The following ZNF385D variants were observed in gnomAD, a reference collection of about 807,000 sequenced individuals.
ZNF385D encodes zinc finger protein 385D, also known as zinc finger protein 659.
Under a neutral mutation model 35.8 loss-of-function variants are expected in ZNF385D, and 15 were observed. That is an observed-to-expected ratio of 0.42 (90% CI 0.28 to 0.64). The LOEUF (loss-of-function observed/expected upper bound fraction) is 0.64. Ranked by LOEUF, ZNF385D falls within the 30% of genes least tolerant of loss-of-function variation. The pLI, the probability that ZNF385D is intolerant of heterozygous loss-of-function variation, is 0.23. For missense variants in ZNF385D, 474 were observed against 494.6 expected, an observed-to-expected ratio of 0.96 and a Z score of 0.39; for synonymous variants, 212 against 186.8, an observed-to-expected ratio of 1.13 and a Z score of -1.10.
chr3:22,370,033 G>C (rs1696831608), intron 2 of ZNF385D, among the ~76,000 whole-genome samples: 1 of 152,154 alleles, frequency 6.6e-6, no homozygotes, highest in Non-Finnish European at 1.5e-5. Flanking sequence ...TTCTTGAATT[G>C]CAAACATTTT....
chr3:21,522,593 C>T (rs947845220), intron 3 of ZNF385D, among the ~76,000 whole-genome samples: 4 of 152,154 alleles, frequency 2.6e-5, no homozygotes, highest in African/African-American at 9.7e-5. Flanking sequence ...CTGCCTCAGC[C>T]TCCCAAAGTG....
At chr3:22,003,851 A>C (rs1696019508) in intron 3 of ZNF385D, among the ~76,000 whole-genome samples, 3 of 151,226 alleles carry the variant, frequency 2.0e-5, no homozygotes, top group African/African-American at 7.3e-5. Context: ...TGGGCAACAA[A>C]GCAAGACTCC....
intron 3 of ZNF385D, among the ~76,000 whole-genome samples, chr3:21,773,603 G>A (rs1289859075): frequency 6.6e-6 from 1 of 151,788 alleles, no homozygotes; most frequent in Non-Finnish European, 1.5e-5. Context: ...ATTAAAAAGT[G>A]GGCAAAGAAC....
At chr3:22,133,614 A>G (rs539888400) in intron 3 of ZNF385D, 67 of 152,164 alleles carry the variant, frequency 4.4e-4, no homozygotes, top group African/African-American at 1.5e-3. Flanking sequence ...ATTTCTACTT[A>G]GAGGACTGGG....
intron 3 of ZNF385D, among the ~76,000 whole-genome samples, chr3:22,036,548 T>C (rs753035964): frequency 5.3e-5 from 8 of 152,048 alleles, no homozygotes; most frequent in African/African-American, 1.2e-4. Context: ...TATGAGTATA[T>C]GGCAAATGAA....
chr3:22,066,540 GTGTGTGT>G (rs1257665234), intron 3 of ZNF385D, among the ~76,000 whole-genome samples: 1 of 20,622 alleles, frequency 4.8e-5, no homozygotes, highest in African/African-American at 2.9e-4. Flanking sequence ...CCCTGTGTGT[GTGTGTGT>G]GTGTGTGTGT....
At chr3:21,694,036 G>A (rs1203473071) in intron 1 of ZNF385D, among the ~76,000 whole-genome samples, 3 of 34,264 alleles carry the variant, frequency 8.8e-5, no homozygotes, top group Admixed American at 7.7e-4. Flanking sequence ...GTGCCACTAC[G>A]CCTGGCTTTT....
At chr3:21,782,396 A>G (rs1482358433) in intron 3 of ZNF385D, among the ~76,000 whole-genome samples, 3 of 152,124 alleles carry the variant, frequency 2.0e-5, no homozygotes, top group Non-Finnish European at 2.9e-5. Context: ...ATAAATTAGG[A>G]AACTGAGGCA....
intron 3 of ZNF385D, among the ~76,000 whole-genome samples, chr3:21,824,459 TCA>T (rs1034383190): frequency 1.3e-5 from 2 of 152,152 alleles, no homozygotes; most frequent in Admixed American, 1.3e-4. Flanking sequence ...CCTTTCTCTC[TCA>T]CACACAAATA....
At chr3:21,745,926 C>T (rs146797179) in intron 1 of ZNF385D, among the ~76,000 whole-genome samples, 2,237 of 152,246 alleles carry the variant, frequency 0.015, 64 homozygotes, top group East Asian at 0.12. Context: ...ACTTTAATGT[C>T]TATCTTATTA....
chr3:21,750,403 G>C (rs960589568), intron 1 of ZNF385D, among the ~76,000 whole-genome samples: 2 of 152,184 alleles, frequency 1.3e-5, no homozygotes, highest in Non-Finnish European at 2.9e-5. Context: ...ATATAGAGAA[G>C]TGTTCTCAGC....
chr3:21,894,953 C>A (rs950504016), intron 3 of ZNF385D, among the ~76,000 whole-genome samples: 2 of 151,990 alleles, frequency 1.3e-5, no homozygotes. Flanking sequence ...GCAAAAATCA[C>A]CACCCAGCAA....
At chr3:21,834,879 T>C (rs1336704724) in intron 3 of ZNF385D, among the ~76,000 whole-genome samples, 4 of 152,158 alleles carry the variant, frequency 2.6e-5, no homozygotes, top group Non-Finnish European at 5.9e-5. Context: ...AGGTGCTTGC[T>C]TCTCCTTCAC....
chr3:22,113,681 G>T (rs1702656237), intron 3 of ZNF385D, among the ~76,000 whole-genome samples: 1 of 152,024 alleles, frequency 6.6e-6, no homozygotes, highest in African/African-American at 2.4e-5. Context: ...AGAAGCCAGG[G>T]ATGAGGTATT....
intron 3 of ZNF385D, among the ~76,000 whole-genome samples, chr3:22,008,785 A>G (rs1248383110): frequency 6.6e-6 from 1 of 152,260 alleles, no homozygotes; most frequent in East Asian, 1.9e-4. Flanking sequence ...AGAGAAATGT[A>G]TAGAACCAAA....
chr3:22,060,667 T>C (rs1699642886), intron 3 of ZNF385D, among the ~76,000 whole-genome samples: 1 of 152,108 alleles, frequency 6.6e-6, no homozygotes, highest in African/African-American at 2.4e-5. Context: ...AAACTAGTGA[T>C]CTTAGAGCAT....
intron 3 of ZNF385D, among the ~76,000 whole-genome samples, chr3:22,111,274 A>C (rs1702518671): frequency 6.7e-6 from 1 of 150,022 alleles, no homozygotes. Context: ...AGAAAAGATT[A>C]GAAACTTCTA....
chr3:21,992,593 T>A (rs1430624295), intron 3 of ZNF385D, among the ~76,000 whole-genome samples: 3 of 152,198 alleles, frequency 2.0e-5, no homozygotes, highest in African/African-American at 7.2e-5. Flanking sequence ...GCTATGTTAA[T>A]AGTTTGTGAT....
At chr3:21,482,035 C>T (rs1704665810) in intron 4 of ZNF385D, among the ~76,000 whole-genome samples, 1 of 152,052 alleles carries the variant, frequency 6.6e-6, no homozygotes. Flanking sequence ...TTCTGACCTT[C>T]AATAATTGTA....
Sources: gnomAD v4.1 joint callset for allele counts (sites outside exome capture counted in the v4.1 genomes callset) on GRCh38, gnomAD v4.1.1 for gene constraint, MANE v1.5 for transcripts, NCBI Gene and HGNC (gene_info 2026-07-23, HGNC 2026-07-21) for gene names.